PDE1A: variants seen among roughly 807,000 people sequenced by gnomAD.
PDE1A encodes the protein dual specificity calcium/calmodulin-dependent 3',5'-cyclic nucleotide phosphodiesterase 1A.
A neutral mutation model predicts 61.7 loss-of-function variants in PDE1A; 35 were observed. That is an observed-to-expected ratio of 0.57 (90% CI 0.43 to 0.75). The LOEUF is 0.75. PDE1A is among the 30% of genes least tolerant of loss of function. The pLI is 0.00. For synonymous variants in PDE1A, 232 were observed against 213.2 expected (o/e 1.09, Z -0.77); for missense variants, 597 against 630.6 (o/e 0.95, Z 0.57).
the PDE1A span, among the ~76,000 whole-genome samples, chr2:182,615,883 G>A: frequency 6.6e-6 from 1 of 152,248 alleles, no homozygotes; most frequent in African/African-American, 2.4e-5. Context: ...CATGACAATG[G>A]CATTAATCCA....
the PDE1A span, among the ~76,000 whole-genome samples, chr2:182,600,408 A>G: frequency 6.6e-6 from 1 of 152,228 alleles, no homozygotes; most frequent in Non-Finnish European, 1.5e-5. Flanking sequence ...TGTTTTGTGG[A>G]AATTCACATT....
chr2:182,143,838 A>G (rs1690353048), downstream of PDE1A, among the ~76,000 whole-genome samples: 1 of 152,050 alleles, frequency 6.6e-6, no homozygotes, highest in Non-Finnish European at 1.5e-5. Context: ...TATCTTTCTA[A>G]TAGATAGTGG....
the PDE1A span, among the ~76,000 whole-genome samples, chr2:182,568,102 G>C: frequency 1.3e-5 from 2 of 151,920 alleles, no homozygotes; most frequent in Non-Finnish European, 2.9e-5. Context: ...CCCGCGCCCG[G>C]CAATGTTTAA....
intron 1 of PDE1A, among the ~76,000 whole-genome samples, chr2:182,273,994 T>G (rs1271641936): frequency 6.6e-6 from 1 of 152,118 alleles, no homozygotes; most frequent in Admixed American, 6.6e-5. Context: ...ACCGAGGTGT[T>G]GGCAGATTCA....
At chr2:182,182,377 C>T (rs1025411635) in intron 13 of PDE1A, among the ~76,000 whole-genome samples, 1 of 152,104 alleles carries the variant, frequency 6.6e-6, no homozygotes, top group African/African-American at 2.4e-5. Flanking sequence ...CTTCTACTCA[C>T]ACATACTGCC....
the PDE1A span, among the ~76,000 whole-genome samples, chr2:182,534,514 A>G: frequency 6.6e-6 from 1 of 151,898 alleles, no homozygotes; most frequent in East Asian, 1.9e-4. Context: ...ATTACTTACC[A>G]GTTTGATAAG....
At chr2:182,395,668 A>C (rs147529013) in intron 1 of PDE1A, among the ~76,000 whole-genome samples, 2 of 152,182 alleles carry the variant, frequency 1.3e-5, no homozygotes, top group African/African-American at 2.4e-5. Context: ...CTGCTGTGCA[A>C]GCTGCTCTGC....
At chr2:182,708,339 GTTA>G in the PDE1A span, among the ~76,000 whole-genome samples, 2 of 151,830 alleles carry the variant, frequency 1.3e-5, no homozygotes, top group African/African-American at 2.4e-5. Context: ...ATAACAATAA[GTTA>G]TTATGTTATT....
the PDE1A span, among the ~76,000 whole-genome samples, chr2:182,696,022 A>G: frequency 1.2e-4 from 18 of 152,336 alleles, no homozygotes; most frequent in East Asian, 3.5e-3. Context: ...GAGAAGGCAA[A>G]ATGACACAGC....
intron 1 of PDE1A, among the ~76,000 whole-genome samples, chr2:182,340,918 T>G (rs940794237): frequency 6.6e-6 from 1 of 152,176 alleles, no homozygotes; most frequent in African/African-American, 2.4e-5. Flanking sequence ...ATGGAGAGTT[T>G]GGATACGTAA....
intron 13 of PDE1A, among the ~76,000 whole-genome samples, chr2:182,161,340 C>T (rs12617844): frequency 0.42 from 63,895 of 151,316 alleles, 13,992 homozygotes; most frequent in East Asian, 0.63. Flanking sequence ...AAAGTGAGGA[C>T]GTTGGTTGGG....
intron 1 of PDE1A, among the ~76,000 whole-genome samples, chr2:182,325,914 A>G (rs1211463241): frequency 6.6e-6 from 1 of 152,154 alleles, no homozygotes; most frequent in Non-Finnish European, 1.5e-5. Context: ...GCAAGACTCC[A>G]TCTCAAAACA....
chr2:182,178,787 T>C (rs1432589601), intron 13 of PDE1A, among the ~76,000 whole-genome samples: 2 of 151,680 alleles, frequency 1.3e-5, no homozygotes, highest in East Asian at 1.9e-4. Context: ...AGAAGTACAA[T>C]GAGAAGGAGA....
At chr2:182,602,231 G>C in the PDE1A span, among the ~76,000 whole-genome samples, 1 of 152,208 alleles carries the variant, frequency 6.6e-6, no homozygotes, top group Non-Finnish European at 1.5e-5. Context: ...CCACGGCTTG[G>C]GCAGCTGCAG....
chr2:182,353,512 CAGAT>C (rs1699008306), intron 1 of PDE1A, among the ~76,000 whole-genome samples: 1 of 152,018 alleles, frequency 6.6e-6, no homozygotes, highest in Admixed American at 6.6e-5. Context: ...CTGTGGAAAA[CAGAT>C]AGAAAAATAA....
chr2:182,514,338 T>G (rs1690002558), intron 2 of PDE1A, among the ~76,000 whole-genome samples: 1 of 152,146 alleles, frequency 6.6e-6, no homozygotes, highest in Non-Finnish European at 1.5e-5. Context: ...ATTTTAAAAT[T>G]TATATTGAAT....
intron 2 of PDE1A, among the ~76,000 whole-genome samples, chr2:182,518,118 C>A (rs1315250776): frequency 1.3e-5 from 2 of 152,138 alleles, no homozygotes; most frequent in African/African-American, 4.8e-5. Flanking sequence ...GGTGTTTAAG[C>A]AGAGAGTAAA....
intron 1 of PDE1A, among the ~76,000 whole-genome samples, chr2:182,296,107 T>C (rs985233847): frequency 2.0e-5 from 3 of 152,164 alleles, no homozygotes; most frequent in African/African-American, 4.8e-5. Context: ...AATATAATCA[T>C]GGTAAGCTCA....
chr2:182,548,994 G>A, the PDE1A span, among the ~76,000 whole-genome samples: 1 of 152,166 alleles, frequency 6.6e-6, no homozygotes, highest in Non-Finnish European at 1.5e-5. Context: ...CTTAGAGTAT[G>A]CAGTGAAGGT....
Sources: gnomAD v4.1 joint callset for allele counts (sites outside exome capture counted in the v4.1 genomes callset) on GRCh38, gnomAD v4.1.1 for gene constraint, MANE v1.5 for transcripts, NCBI Gene and HGNC (gene_info 2026-07-23, HGNC 2026-07-21) for gene names.